Variants in TRPM6 observed in about 807,000 individuals in gnomAD.
The protein encoded by TRPM6 is transient receptor potential cation channel subfamily M member 6.
TRPM6 carries 111 observed loss-of-function variants against 247.6 expected under a neutral mutation model. The ratio of observed to expected loss-of-function variants is 0.45; its 90% CI spans 0.38 to 0.52. The LOEUF (loss-of-function observed/expected upper bound fraction) is 0.52, where lower values mean the gene tolerates loss of function less well. Among genes scored for constraint, TRPM6 ranks in the 20% least tolerant of loss-of-function variants. TRPM6 has a pLI of 0.00. For missense variants in TRPM6, 2,126 were observed against 2,421.5 expected, an observed-to-expected ratio of 0.88 and a Z score of 2.56; for synonymous variants, 892 against 853.8, an observed-to-expected ratio of 1.04 and a Z score of -0.78.
rs955070005 is a variant in TRPM6, at chr9:74,771,646, C to A, written c.3536+57G>T. On this transcript the variant is annotated intron_variant, in intron 25 of 38. Transcript: ENST00000360774. ...AGATCTTTCTACACCTTTAGATATTCTAGCAGAATCACGTTGTGTTAGTGG... is the reference window on the plus strand; with the variant it reads ...AGATCTTTCTACACCTTTAGATATTATAGCAGAATCACGTTGTGTTAGTGG... 4 of 1,566,490 alleles carry A rather than the reference C, an allele frequency of 2.6e-6. No individual in the cohort carries two copies. The African/African-American group carries it at 5.4e-5, about 21-fold the overall frequency.
chr9:74,826,172 T>C (rs1486914817), intron 7 of TRPM6, among the ~76,000 whole-genome samples: 2 of 152,196 alleles, frequency 1.3e-5, no homozygotes, highest in African/African-American at 4.8e-5. Flanking sequence ...ATCCCTAATA[T>C]ACATCTTCTC....
intron 19 of TRPM6, among the ~76,000 whole-genome samples, chr9:74,792,057 T>C (rs914044168): frequency 1.2e-4 from 18 of 152,236 alleles, no homozygotes; most frequent in South Asian, 2.1e-4. Context: ...ACGCCTGGCC[T>C]CAATTGCTGA....
chr9:74,884,097 C>G (rs529061205), intron 1 of TRPM6, among the ~76,000 whole-genome samples: 9 of 151,646 alleles, frequency 5.9e-5, no homozygotes, highest in Non-Finnish European at 1.5e-5. Flanking sequence ...TGTGGTGAGC[C>G]AAGATTGTGC....
chr9:74,847,108 C>G (rs1281508994), intron 3 of TRPM6, among the ~76,000 whole-genome samples: 1 of 152,202 alleles, frequency 6.6e-6, no homozygotes, highest in Non-Finnish European at 1.5e-5. Flanking sequence ...CAAGTTTTAA[C>G]TGAAAATGGC....
At chr9:74,753,201 T>G (rs12551900) in intron 28 of TRPM6, among the ~76,000 whole-genome samples, 1 of 151,798 alleles carries the variant, frequency 6.6e-6, no homozygotes, top group Non-Finnish European at 1.5e-5. Context: ...GGTTCATTAC[T>G]GTTATTCTTT....
intron 1 of TRPM6, among the ~76,000 whole-genome samples, chr9:74,878,061 C>T (rs527543332): frequency 6.6e-6 from 1 of 152,256 alleles, no homozygotes; most frequent in Non-Finnish European, 1.5e-5. Context: ...TGAGAATGGG[C>T]TCACCCAACC....
chr9:74,747,890 G>A lies in TRPM6; in HGVS notation c.5082C>T (p.Asp1694=). The A allele has an allele frequency of 2.5e-6, 4 of 1,608,860 alleles. No homozygotes were observed. The highest frequency in any genetic ancestry group is 1.1e-5 in the South Asian group (1 of 90,194). ...AAATGTTTAAACAGAAAAACTTACT[G>A]TCAACTCCAATTGAACTTTTCAGCC... ...NSLLKSSIGV[D]KISASLKSPQ... is the part of the protein sequence containing the mutation. Residue 1694 remains aspartate, a splice_region_variant and synonymous_variant, in exon 31 of 39, where the codon GAC becomes GAT. Coordinates refer to ENST00000360774, the MANE Select transcript of TRPM6 (RefSeq NM_017662.5).
intron 23 of TRPM6, among the ~76,000 whole-genome samples, chr9:74,777,387 G>C (rs906637650): frequency 2.6e-5 from 4 of 152,054 alleles, no homozygotes; most frequent in Non-Finnish European, 5.9e-5. Flanking sequence ...CACTTTGTAT[G>C]GTCTTCAGTG....
intron 30 of TRPM6, among the ~76,000 whole-genome samples, chr9:74,749,075 C>G (rs1380830016): frequency 6.6e-6 from 1 of 152,164 alleles, no homozygotes; most frequent in Non-Finnish European, 1.5e-5. Flanking sequence ...ACATACTGTA[C>G]AGGTTTGTAG....
At chr9:74,782,309 A>T (rs1827490798) in intron 23 of TRPM6, 53 bp downstream of exon 23, 2 of 1,351,226 alleles carry the variant, frequency 1.5e-6, no homozygotes, top group African/African-American at 2.9e-5. Context: ...TCTACTCAAC[A>T]TATCTGCCCA....
At position 74,842,923 on chromosome 9, in the gene TRPM6, A is replaced by G. The variant is rs75408029; in HGVS notation, c.153-580T>C. Among the ~76,000 whole-genome samples the G allele has an allele frequency of 2.4e-4, 36 of 152,330 alleles. No individual in the cohort carries two copies. The East Asian group carries it at 6.4e-3, about 27-fold the overall frequency. ...TGGGGCTATGTCTTAAAATAAGACA[A>G]TGATGAAGTTGGCCACATTGATTAA... is the stretch of plus-strand genomic sequence containing the variant. On this transcript the variant is annotated intron_variant, in intron 3 of 38. Coordinates refer to ENST00000360774, the MANE Select transcript of TRPM6 (RefSeq NM_017662.5).
At chr9:74,822,636 C>T (rs7024114) in intron 7 of TRPM6, among the ~76,000 whole-genome samples, 4,922 of 152,112 alleles carry the variant, frequency 0.032, 250 homozygotes, top group African/African-American at 0.11. Flanking sequence ...CCATTTATTT[C>T]ATTTTTTATT....
chr9:74,848,803 T>C (rs924098370), intron 3 of TRPM6, among the ~76,000 whole-genome samples: 8 of 152,192 alleles, frequency 5.3e-5, no homozygotes, highest in Admixed American at 4.6e-4. Context: ...CATTAGTAAA[T>C]GTTATATTTA....
chr9:74,882,057 G>A (rs1198940621), intron 1 of TRPM6, among the ~76,000 whole-genome samples: 1 of 152,086 alleles, frequency 6.6e-6, no homozygotes, highest in East Asian at 1.9e-4. Context: ...AACTCAAGAT[G>A]CATTAAAGAC....
At chr9:74,843,546 C>T (rs1344539784) in intron 3 of TRPM6, among the ~76,000 whole-genome samples, 8 of 152,010 alleles carry the variant, frequency 5.3e-5, no homozygotes, top group African/African-American at 1.4e-4. Flanking sequence ...CGGTGGCTCA[C>T]GCCTGTAATC....
At chr9:74,783,051 C>T (rs1317105032) in intron 21 of TRPM6, among the ~76,000 whole-genome samples, 198 bp from the exon 22 acceptor site, 1 of 152,202 alleles carries the variant, frequency 6.6e-6, no homozygotes, top group Non-Finnish European at 1.5e-5. Flanking sequence ...TTCAAGTCAA[C>T]TTGGTCTATG....
At chr9:74,884,948 C>T (rs1831487662) in intron 1 of TRPM6, among the ~76,000 whole-genome samples, 1 of 152,118 alleles carries the variant, frequency 6.6e-6, no homozygotes, top group South Asian at 2.1e-4. Flanking sequence ...GAAGAGAGAG[C>T]CCAAGGTAAT....
chr9:74,856,712 T>C (rs1830536964), intron 2 of TRPM6, among the ~76,000 whole-genome samples: 1 of 152,168 alleles, frequency 6.6e-6, no homozygotes, highest in East Asian at 1.9e-4. Context: ...TTGTTTCTTA[T>C]TGGGAGCTAC....
intron 1 of TRPM6, among the ~76,000 whole-genome samples, chr9:74,871,830 C>T (rs371312793): frequency 1.3e-5 from 2 of 151,684 alleles, no homozygotes; most frequent in South Asian, 2.1e-4. Flanking sequence ...CAAGCATGTG[C>T]GACCATACCC....
Sources: gnomAD v4.1 joint callset for allele counts (sites outside exome capture counted in the v4.1 genomes callset) on GRCh38, gnomAD v4.1.1 for gene constraint, MANE v1.5 for transcripts, NCBI Gene and HGNC (gene_info 2026-07-23, HGNC 2026-07-21) for gene names.